RIMS1: variants seen among roughly 807,000 people sequenced by gnomAD.
RIMS1 encodes the protein regulating synaptic membrane exocytosis protein 1.
Under a neutral mutation model 214.1 loss-of-function variants are expected in RIMS1, and 83 were observed. That is an observed-to-expected ratio of 0.39 (90% CI 0.32 to 0.47). The LOEUF (loss-of-function observed/expected upper bound fraction) is 0.47. Ranked by LOEUF, RIMS1 falls within the 20% of genes least tolerant of loss-of-function variation. The pLI is 0.99. For missense variants in RIMS1, 2,050 were observed against 2,161.8 expected (o/e 0.95, Z 1.03); for synonymous variants, 793 against 786.8 (o/e 1.01, Z -0.13).
intron 26 of RIMS1, among the ~76,000 whole-genome samples, chr6:72,301,463 A>G (rs2094594855): frequency 6.6e-6 from 1 of 151,696 alleles, no homozygotes; most frequent in Admixed American, 6.6e-5. Flanking sequence ...CATGGGTTCC[A>G]CAATGGTGGC....
At chr6:71,974,189 A>G (rs1336116322) in intron 2 of RIMS1, among the ~76,000 whole-genome samples, 1 of 152,118 alleles carries the variant, frequency 6.6e-6, no homozygotes, top group Non-Finnish European at 1.5e-5. Flanking sequence ...CTGGTATGAG[A>G]ACGTTCAATT....
At chr6:71,959,400 G>T (rs1792239476) in intron 1 of RIMS1, among the ~76,000 whole-genome samples, 2 of 151,992 alleles carry the variant, frequency 1.3e-5, no homozygotes, top group Non-Finnish European at 2.9e-5. Context: ...TCAGCTATTG[G>T]GCTCCCAGAT....
intron 6 of RIMS1, among the ~76,000 whole-genome samples, chr6:72,191,368 G>A (rs1348515252): frequency 6.6e-6 from 1 of 152,208 alleles, no homozygotes; most frequent in African/African-American, 2.4e-5. Flanking sequence ...ATTTTACTGA[G>A]GTAGAAGGTC....
chr6:71,970,803 A>G (rs1370322947), intron 2 of RIMS1, among the ~76,000 whole-genome samples: 3 of 152,206 alleles, frequency 2.0e-5, no homozygotes, highest in Non-Finnish European at 2.9e-5. Flanking sequence ...TTCATTCCTT[A>G]TGATAGCTGA....
intron 29 of RIMS1, among the ~76,000 whole-genome samples, chr6:72,348,031 G>T (rs530186567): frequency 6.6e-6 from 1 of 151,948 alleles, no homozygotes; most frequent in Admixed American, 6.6e-5. Flanking sequence ...TGTGATGTTT[G>T]CTTAGTCAAA....
At chr6:71,954,840 T>A (rs1294456911) in intron 1 of RIMS1, among the ~76,000 whole-genome samples, 1 of 146,990 alleles carries the variant, frequency 6.8e-6, no homozygotes, top group Non-Finnish European at 1.5e-5. Flanking sequence ...ACAATACCAC[T>A]CCTCAGCACA....
chr6:72,222,782 G>T (rs989901738), intron 6 of RIMS1, among the ~76,000 whole-genome samples: 2 of 152,138 alleles, frequency 1.3e-5, no homozygotes, highest in East Asian at 3.8e-4. Flanking sequence ...AAATTTACAT[G>T]CTGTAATATT....
intron 29 of RIMS1, among the ~76,000 whole-genome samples, chr6:72,351,652 T>C (rs921448253): frequency 6.6e-6 from 1 of 152,156 alleles, no homozygotes; most frequent in African/African-American, 2.4e-5. Context: ...AGAATTTTAG[T>C]CTGTGCCTAT....
At chr6:71,955,487 T>A (rs757487074) in intron 1 of RIMS1, among the ~76,000 whole-genome samples, 10 of 152,140 alleles carry the variant, frequency 6.6e-5, no homozygotes, top group Admixed American at 1.3e-4. Flanking sequence ...CTGGTACAAA[T>A]CATTTTGTAG....
chr6:72,021,310 G>A (rs1284562822), intron 2 of RIMS1, among the ~76,000 whole-genome samples: 1 of 152,150 alleles, frequency 6.6e-6, no homozygotes, highest in African/African-American at 2.4e-5. Flanking sequence ...AAATATACTA[G>A]AAGCTTTCAA....
chr6:72,228,009 GAA>G (rs1300997553), intron 6 of RIMS1, among the ~76,000 whole-genome samples: 1 of 151,766 alleles, frequency 6.6e-6, no homozygotes, highest in Non-Finnish European at 1.5e-5. Flanking sequence ...ATTTGACATA[GAA>G]AAAACTGTGC....
Position 72,333,794 on chromosome 6 carries a change from T to C in RIMS1, c.4325T>C (p.Val1442Ala). ...SSLSAKVVAI[V>A]SRRSRSTSQL... Reference sequence around the variant, plus strand: ...CTTAGTGCCAAAGTGGTTGCCATAGTGTCTCGAAGGAGTAGAAGCACATCC... The same window carrying C: ...CTTAGTGCCAAAGTGGTTGCCATAGCGTCTCGAAGGAGTAGAAGCACATCC... The change falls in exon 29 of 34, where the codon GTG becomes GCG. Residue 1442 changes from valine (V) to alanine (A), a missense_variant. Val to Ala is a moderately conservative substitution (Grantham distance 64). Around this residue, in one of 6 missense-constraint regions of RIMS1, gnomAD observed 889 missense variants for 885.5 expected, o/e 1.00. Transcript: ENST00000521978. The C allele has an allele frequency of 6.3e-7, 1 of 1,594,164 alleles. No homozygotes were observed. Among genetic ancestry groups the C allele is most frequent in the Non-Finnish European group, 8.5e-7 (1 of 1,170,072 alleles).
chr6:72,263,117 A>AG, intron 19 of RIMS1: 1 of 984,174 alleles, frequency 1.0e-6, no homozygotes. Flanking sequence ...ATGTTTCACC[A>AG]ATAAGAGTTT....
chr6:71,968,941 T>G, intron 1 of RIMS1, 42 bp from the exon 2 acceptor site: 1 of 1,551,818 alleles, frequency 6.4e-7, no homozygotes, highest in Non-Finnish European at 8.9e-7. Flanking sequence ...TCTACCCTTT[T>G]TATAATTAAT....
intron 2 of RIMS1, among the ~76,000 whole-genome samples, chr6:71,974,531 G>A (rs1459882851): frequency 6.6e-6 from 1 of 152,114 alleles, no homozygotes; most frequent in Non-Finnish European, 1.5e-5. Context: ...GAAAGACTTG[G>A]CTACTCTTCA....
intron 2 of RIMS1, among the ~76,000 whole-genome samples, chr6:72,058,350 A>C (rs2152222870): frequency 6.6e-6 from 1 of 152,342 alleles, no homozygotes; most frequent in South Asian, 2.1e-4. Context: ...TTTAAACAAA[A>C]GTTTACAAAA....
At chr6:72,136,504 A>G (rs1236585091) in intron 4 of RIMS1, among the ~76,000 whole-genome samples, 1 of 152,174 alleles carries the variant, frequency 6.6e-6, no homozygotes, top group Non-Finnish European at 1.5e-5. Context: ...ATTAAGCAAT[A>G]TATTCACTGT....
At chr6:72,010,731 G>C (rs1012856942) in intron 2 of RIMS1, among the ~76,000 whole-genome samples, 1 of 152,090 alleles carries the variant, frequency 6.6e-6, no homozygotes, top group Non-Finnish European at 1.5e-5. Flanking sequence ...ATTCACAATT[G>C]CTTCAAAGAG....
intron 6 of RIMS1, among the ~76,000 whole-genome samples, chr6:72,192,031 C>G (rs1247696589): frequency 6.6e-6 from 1 of 152,200 alleles, no homozygotes; most frequent in Non-Finnish European, 1.5e-5. Context: ...TAGTCCTCAC[C>G]CTACCAGTCA....
Sources: gnomAD v4.1 joint callset for allele counts (sites outside exome capture counted in the v4.1 genomes callset) on GRCh38, gnomAD v4.1.1 for gene constraint, gnomAD v4.1.1 regional missense constraint, MANE v1.5 for transcripts, NCBI Gene and HGNC (gene_info 2026-07-23, HGNC 2026-07-21) for gene names.